The following VTI1A variants were observed in gnomAD, a reference collection of about 807,000 sequenced individuals.
VTI1A encodes vesicle transport through interaction with t-SNAREs homolog 1A.
Under a neutral mutation model 34.9 loss-of-function variants are expected in VTI1A, and 22 were observed. That is an observed-to-expected ratio of 0.63 (90% CI 0.45 to 0.90). The LOEUF (loss-of-function observed/expected upper bound fraction) is 0.90, where lower values mean the gene tolerates loss of function less well. Ranked by LOEUF, VTI1A falls within the 40% of genes least tolerant of loss-of-function variation. VTI1A has a pLI of 0.00. For synonymous variants in VTI1A, 87 were observed against 97.3 expected (o/e 0.89, Z 0.62); for missense variants, 268 against 275.6 (o/e 0.97, Z 0.20).
Position 112,455,429 on chromosome 10 carries a change from C to G in VTI1A, c.95-5095C>G, listed in dbSNP as rs1325082890. On this transcript the variant is annotated intron_variant, in intron 1 of 7. Coordinates refer to ENST00000393077, the MANE Select transcript of VTI1A (RefSeq NM_145206.4). ...TCCCCCTTCCCCCCTTCCCCCTTCC[C>G]TTCTTCCCTCCTTCCCTCCTTCCCT... Among the ~76,000 whole-genome samples the G allele has an allele frequency of 5.2e-3, 7 of 1,358 alleles. 1 individual carries two copies. The highest frequency in any genetic ancestry group is 8.1e-3 in the Non-Finnish European group (4 of 496). The allele number at this position is 1,358 out of a possible 152,430, so 0.9% of individuals were successfully genotyped here. A position where few individuals can be genotyped will look rare whatever the true frequency, so the allele number is the denominator to read the frequency against.
At chr10:112,592,867 T>C (rs1009243871) in intron 5 of VTI1A, among the ~76,000 whole-genome samples, 7 of 152,250 alleles carry the variant, frequency 4.6e-5, no homozygotes, top group African/African-American at 1.7e-4. Context: ...TGGATAAACC[T>C]ACAATTAGAC....
At position 112,665,179 on chromosome 10, in the gene VTI1A, C is replaced by T. The variant is rs571587308; in HGVS notation, c.428-3039C>T. ...AATTATTCAAGAAAAATAAACCTAA[C>T]GATGTTTCTAATTATTTAATGAAAT... On this transcript the variant is annotated intron_variant, in intron 5 of 7. Coordinates refer to ENST00000393077, the MANE Select transcript of VTI1A (RefSeq NM_145206.4). 2.5e-4 allele frequency among the ~76,000 whole-genome samples: 38 copies of T among 152,114 alleles called. No homozygotes were observed. In the East Asian group the frequency reaches 6.7e-3, roughly 27 times the overall value.
rs150299029 is a variant in VTI1A, at chr10:112,652,284, G to A, written c.428-15934G>A. Among the ~76,000 whole-genome samples the A allele has an allele frequency of 4.2e-3, 642 of 152,304 alleles. 3 individuals carry two copies. Among genetic ancestry groups the A allele is most frequent in the South Asian group, 0.015 (72 of 4,820 alleles). On this transcript the variant is annotated intron_variant, in intron 5 of 7. Coordinates refer to ENST00000393077, the MANE Select transcript of VTI1A (RefSeq NM_145206.4). ...AAATGGATGGTGAAAACAGACTAGAGCGGTACACTTCAGTCCTCAGAAATG... is the reference window on the plus strand; with the variant it reads ...AAATGGATGGTGAAAACAGACTAGAACGGTACACTTCAGTCCTCAGAAATG...
At chr10:112,737,050 A>G (rs1312559801) in intron 7 of VTI1A, 3 of 435,518 alleles carry the variant, frequency 6.9e-6, no homozygotes, top group Non-Finnish European at 1.2e-5. Flanking sequence ...TACATAGTGG[A>G]CAATTTTTTT....
downstream of VTI1A, among the ~76,000 whole-genome samples, chr10:112,821,565 C>G (rs906948009): frequency 6.6e-6 from 1 of 152,158 alleles, no homozygotes; most frequent in Non-Finnish European, 1.5e-5. Flanking sequence ...TGCCAAGGAC[C>G]CAGGCCATAG....
At chr10:112,834,919 G>A in the VTI1A span, among the ~76,000 whole-genome samples, 2 of 152,326 alleles carry the variant, frequency 1.3e-5, no homozygotes, top group East Asian at 3.9e-4. Flanking sequence ...GAAGCAAACT[G>A]GAGTGGCCCT....
intron 3 of VTI1A, among the ~76,000 whole-genome samples, chr10:112,500,061 T>C (rs1849171738): frequency 6.6e-6 from 1 of 151,988 alleles, no homozygotes; most frequent in South Asian, 2.1e-4. Context: ...CCTATAGGAG[T>C]TCATAAAGCC....
intron 7 of VTI1A, among the ~76,000 whole-genome samples, chr10:112,773,212 G>T (rs1273954340): frequency 6.6e-6 from 1 of 152,186 alleles, no homozygotes; most frequent in Non-Finnish European, 1.5e-5. Context: ...TTGAGACTTA[G>T]TTTTCTTCTC....
intron 5 of VTI1A, among the ~76,000 whole-genome samples, chr10:112,575,071 T>C (rs1035398107): frequency 2.0e-5 from 3 of 152,238 alleles, no homozygotes; most frequent in Non-Finnish European, 2.9e-5. Flanking sequence ...CAGATCACTG[T>C]TGTAGTTTGC....
chr10:112,451,267 G>A (rs1001301559), intron 1 of VTI1A, among the ~76,000 whole-genome samples: 1 of 152,096 alleles, frequency 6.6e-6, no homozygotes, highest in Admixed American at 6.5e-5. Flanking sequence ...ACCTTATAAT[G>A]TAAAAATCAG....
intron 7 of VTI1A, among the ~76,000 whole-genome samples, chr10:112,740,905 C>G (rs767537731): frequency 6.6e-6 from 1 of 152,088 alleles, no homozygotes; most frequent in Non-Finnish European, 1.5e-5. Context: ...TTATAATAGT[C>G]AAAAAGTAGA....
At chr10:112,657,833 A>G (rs11196038) in intron 5 of VTI1A, among the ~76,000 whole-genome samples, 2 of 152,012 alleles carry the variant, frequency 1.3e-5, no homozygotes, top group East Asian at 1.9e-4. Flanking sequence ...GTGTGTGTAT[A>G]TATATGCCTT....
At chr10:112,704,241 ACCCTTTGTCT>A (rs1849114850) in intron 7 of VTI1A, among the ~76,000 whole-genome samples, 2 of 152,160 alleles carry the variant, frequency 1.3e-5, no homozygotes, top group Admixed American at 1.3e-4. Flanking sequence ...TCATCGTCTG[ACCCTTTGTCT>A]AACCACTTAC....
At chr10:112,772,366 T>G (rs1462789266) in intron 7 of VTI1A, among the ~76,000 whole-genome samples, 1 of 152,242 alleles carries the variant, frequency 6.6e-6, no homozygotes, top group Non-Finnish European at 1.5e-5. Context: ...AGATGTCTAC[T>G]CAGATCCTTT....
chr10:112,608,141 A>G (rs1216570748), intron 5 of VTI1A, among the ~76,000 whole-genome samples: 1 of 152,174 alleles, frequency 6.6e-6, no homozygotes, highest in Non-Finnish European at 1.5e-5. Flanking sequence ...TTTCTGTGAC[A>G]CAGACACTCA....
chr10:112,774,498 C>T (rs1028475003), intron 7 of VTI1A, among the ~76,000 whole-genome samples: 2 of 152,172 alleles, frequency 1.3e-5, no homozygotes, highest in African/African-American at 4.8e-5. Flanking sequence ...CAGCTCTAAC[C>T]AGTCTCCAAG....
At chr10:112,749,300 A>C (rs1308735818) in intron 7 of VTI1A, among the ~76,000 whole-genome samples, 2 of 152,106 alleles carry the variant, frequency 1.3e-5, no homozygotes, top group African/African-American at 4.8e-5. Flanking sequence ...GCTTACTGAC[A>C]CTCTATTTGC....
intron 5 of VTI1A, among the ~76,000 whole-genome samples, chr10:112,557,128 T>A (rs1851567518): frequency 6.6e-6 from 1 of 152,134 alleles, no homozygotes; most frequent in Non-Finnish European, 1.5e-5. Flanking sequence ...CTTTATTGCT[T>A]GAAGAATCTT....
the VTI1A span, among the ~76,000 whole-genome samples, chr10:112,851,939 C>G: frequency 8.5e-5 from 13 of 152,176 alleles, no homozygotes; most frequent in African/African-American, 2.9e-4. Flanking sequence ...TTCTTTATAA[C>G]TTAAGAGAAT....
Sources: gnomAD v4.1 joint callset for allele counts (sites outside exome capture counted in the v4.1 genomes callset) on GRCh38, gnomAD v4.1.1 for gene constraint, MANE v1.5 for transcripts, NCBI Gene and HGNC (gene_info 2026-07-23, HGNC 2026-07-21) for gene names.